THBS4: variants seen among roughly 807,000 people sequenced by gnomAD.
THBS4 encodes thrombospondin 4.
Under a neutral mutation model 115.7 loss-of-function variants are expected in THBS4, and 90 were observed. The ratio of observed to expected loss-of-function variants is 0.78; its 90% CI spans 0.66 to 0.93. The LOEUF (loss-of-function observed/expected upper bound fraction) is 0.93, where lower values mean the gene tolerates loss of function less well. Among genes scored for constraint, THBS4 ranks in the 40% least tolerant of loss-of-function variants. The probability of loss-of-function intolerance (pLI) is 0.00; values close to 1 mark genes in which losing one functional copy is unlikely to be tolerated. For synonymous variants in THBS4, 460 were observed against 479.3 expected, an observed-to-expected ratio of 0.96 and a Z score of 0.53; for missense variants, 1,087 against 1,232.7, an observed-to-expected ratio of 0.88 and a Z score of 1.77.
At chr5:80,081,336 GCCC>G (rs1743495934) in intron 20 of THBS4, among the ~76,000 whole-genome samples, 2 of 152,032 alleles carry the variant, frequency 1.3e-5, no homozygotes, top group Non-Finnish European at 1.5e-5. Context: ...ATTTTGAAAT[GCCC>G]CCTTTTCCGT....
At position 80,050,723 on chromosome 5, in the gene THBS4, C is replaced by T. The variant is rs377457270; in HGVS notation, c.293-5062C>T. Among the ~76,000 whole-genome samples, 6 of 152,298 alleles carry T rather than the reference C, an allele frequency of 3.9e-5. No individual in the cohort carries two copies. In the East Asian group the frequency reaches 1.2e-3, roughly 29 times the overall value. ...AGGGTCTTCGGGAAAGGGCTGTTAT[C>T]AATTTTGCTTCAGAGTCAAAGCATC... On this transcript the variant is annotated intron_variant, in intron 2 of 21. Transcript: ENST00000350881.
intron 2 of THBS4, among the ~76,000 whole-genome samples, chr5:80,022,065 T>G (rs1373732029): frequency 2.6e-5 from 4 of 152,140 alleles, no homozygotes; most frequent in Non-Finnish European, 5.9e-5. Flanking sequence ...AAAGGTTTCC[T>G]ACTGGGCTTT....
In THBS4 at chr5:80,076,966, CAAT is replaced by C; in HGVS notation, c.2005_2007del (p.Asn669del). The C allele has an allele frequency of 6.2e-7, 1 of 1,613,774 alleles. No individual in the cohort carries two copies. Among genetic ancestry groups the C allele is most frequent in the Non-Finnish European group, 8.5e-7 (1 of 1,179,866 alleles). ...GTGACGAGTGTGATGATGATGATGA[CAAT>C]GATGGTATCCCAGACCTGGTGCCCC... On this transcript the variant is annotated inframe_deletion, in exon 16 of 22. Coordinates refer to ENST00000350881, the MANE Select transcript of THBS4 (RefSeq NM_003248.6).
At chr5:80,080,156 C>T in intron 20 of THBS4, 79 bp downstream of exon 20, 1 of 1,468,478 alleles carries the variant, frequency 6.8e-7, no homozygotes, top group Non-Finnish European at 9.2e-7. Flanking sequence ...CTTCATTTCC[C>T]TGAGCAATTC....
chr5:80,050,809 A>G (rs553921933), intron 2 of THBS4, among the ~76,000 whole-genome samples: 5 of 152,324 alleles, frequency 3.3e-5, no homozygotes, highest in African/African-American at 1.2e-4. Flanking sequence ...GGAAAGCTTA[A>G]GTGTTAGAAG....
At chr5:80,011,842 AAGAT>A (rs78796230) in intron 2 of THBS4, among the ~76,000 whole-genome samples, 35,655 of 151,590 alleles carry the variant, frequency 0.24, 4,526 homozygotes, top group African/African-American at 0.33. Flanking sequence ...CTTAAGGTAA[AAGAT>A]AAAATATGCT....
intron 11 of THBS4, 76 bp downstream of exon 11, chr5:80,070,486 C>G: frequency 6.8e-7 from 1 of 1,465,776 alleles, no homozygotes. Flanking sequence ...GGGAGAGGTT[C>G]TGTGGATCTA....
chr5:80,005,030 G>A (rs984009113), intron 2 of THBS4, among the ~76,000 whole-genome samples: 4 of 151,742 alleles, frequency 2.6e-5, no homozygotes, highest in South Asian at 2.1e-4. Context: ...GAGCCACCAC[G>A]CCCAGCCAAA....
intron 20 of THBS4, chr5:80,082,087 T>G: frequency 3.8e-6 from 1 of 266,504 alleles, no homozygotes; most frequent in Non-Finnish European, 7.0e-6. Flanking sequence ...GCAGGTTTGG[T>G]TTGGTTTGAT....
At chr5:79,995,000 A>G (rs1831762651) in intron 1 of THBS4, among the ~76,000 whole-genome samples, 1 of 152,206 alleles carries the variant, frequency 6.6e-6, no homozygotes, top group Non-Finnish European at 1.5e-5. Context: ...GGCATTGCAT[A>G]TGGGCTGTGC....
upstream of THBS4, among the ~76,000 whole-genome samples, chr5:80,031,463 C>T (rs1053441731): frequency 6.6e-6 from 1 of 152,204 alleles, no homozygotes; most frequent in Non-Finnish European, 1.5e-5. Context: ...TCTATTGCTA[C>T]AATATTGTTA....
intron 2 of THBS4, among the ~76,000 whole-genome samples, chr5:80,004,120 G>A (rs1831967236): frequency 6.6e-6 from 1 of 152,218 alleles, no homozygotes; most frequent in Non-Finnish European, 1.5e-5. Context: ...ACATTTGACA[G>A]TAGCTTTCGC....
At position 80,065,414 on chromosome 5, in the gene THBS4, C is replaced by T. The variant is rs760753485; in HGVS notation, c.1131C>T (p.Cys377=). ...TTTGAACTTTTCTGCACTAGGTCTG[C>T]ACTGACATTGATGAGTGTCGAAATG... ...ISFAKSNKQV[C]TDIDECRNGA... The change falls in exon 9 of 22, where the codon TGC becomes TGT. Residue 377 remains cysteine (C), a synonymous_variant. Coordinates refer to ENST00000350881, the MANE Select transcript of THBS4 (RefSeq NM_003248.6). 5.0e-6 allele frequency: 8 copies of T among 1,612,882 alleles called. No homozygotes were observed. The South Asian group carries it at 6.6e-5, about 13-fold the overall frequency.
chr5:80,062,789 G>T (rs965392602), intron 8 of THBS4, among the ~76,000 whole-genome samples: 69 of 152,188 alleles, frequency 4.5e-4, no homozygotes, highest in African/African-American at 1.6e-3. Flanking sequence ...GCGGTGTTTG[G>T]TTTTCTATCC....
At chr5:80,017,023 G>C (rs1459516712) in intron 2 of THBS4, among the ~76,000 whole-genome samples, 1 of 151,934 alleles carries the variant, frequency 6.6e-6, no homozygotes, top group African/African-American at 2.4e-5. Flanking sequence ...CAGATGATAA[G>C]AACACAAGAT....
chr5:79,996,760 A>G (rs1035440320), intron 1 of THBS4, among the ~76,000 whole-genome samples: 2 of 152,224 alleles, frequency 1.3e-5, no homozygotes, highest in African/African-American at 4.8e-5. Context: ...GAATATTATA[A>G]TCTGACATTG....
intron 2 of THBS4, among the ~76,000 whole-genome samples, chr5:80,009,551 T>C (rs935089378): frequency 6.6e-6 from 1 of 152,150 alleles, no homozygotes; most frequent in Non-Finnish European, 1.5e-5. Context: ...CACTAAGCAT[T>C]CCTTCCTCCA....
At position 80,068,076 on chromosome 5, in the gene THBS4, G is replaced by A; in HGVS notation, c.1298G>A (p.Ser433Asn). Reference sequence around the variant, plus strand: ...AGAAACCCAGAGCTGAACCCTTGCAGTGTGAATGCCCAGTGCATTGAAGAG... The same window carrying A: ...AGAAACCCAGAGCTGAACCCTTGCAATGTGAATGCCCAGTGCATTGAAGAG... ...NCRNPELNPC[S>N]VNAQCIEERQ... is the part of the protein sequence containing the mutation. Residue 433 changes from serine (S) to asparagine (N), a missense_variant, in exon 10 of 22, where the codon AGT becomes AAT. By Grantham distance (46) the Ser-to-Asn change is conservative. Coordinates refer to ENST00000350881, the MANE Select transcript of THBS4 (RefSeq NM_003248.6). 1 of 1,614,222 alleles carries A rather than the reference G, an allele frequency of 6.2e-7. No homozygotes were observed. The highest frequency in any genetic ancestry group is 8.5e-7 in the Non-Finnish European group (1 of 1,180,036).
At chr5:80,046,302 A>G (rs190187144) in intron 2 of THBS4, among the ~76,000 whole-genome samples, 162 of 152,388 alleles carry the variant, frequency 1.1e-3, no homozygotes, top group African/African-American at 3.8e-3. Context: ...TAGTGAGATT[A>G]ACTATTCAGG....
Sources: allele counts gnomAD v4.1 joint callset (sites outside exome capture counted in the v4.1 genomes callset), GRCh38; gene constraint gnomAD v4.1.1; transcripts MANE v1.5; gene names NCBI Gene and HGNC (gene_info 2026-07-23, HGNC 2026-07-21).